ARHGAP12: variants seen among roughly 807,000 people sequenced by gnomAD.
The protein encoded by ARHGAP12 is Rho GTPase activating protein 12.
ARHGAP12 carries 64 observed loss-of-function variants against 108.6 expected under a neutral mutation model. The ratio of observed to expected loss-of-function variants is 0.59; its 90% CI spans 0.48 to 0.73. The LOEUF is 0.73. Among genes scored for constraint, ARHGAP12 ranks in the 30% least tolerant of loss-of-function variants. The probability of loss-of-function intolerance (pLI) is 0.00; values close to 1 mark genes in which losing one functional copy is unlikely to be tolerated. For missense variants in ARHGAP12, 940 were observed against 1,005.9 expected (o/e 0.93, Z 0.89); for synonymous variants, 312 against 337.2 (o/e 0.93, Z 0.82).
intron 1 of ARHGAP12, among the ~76,000 whole-genome samples, chr10:31,923,273 G>C (rs1177127576): frequency 1.3e-5 from 2 of 151,740 alleles, no homozygotes; most frequent in African/African-American, 4.8e-5. Context: ...AGAAAGAAAT[G>C]TCACCACACA....
chr10:31,899,016 A>G (rs1838819371), intron 3 of ARHGAP12, among the ~76,000 whole-genome samples: 1 of 152,268 alleles, frequency 6.6e-6, no homozygotes, highest in Admixed American at 6.5e-5. Context: ...TACATGCTAC[A>G]CACAACATGG....
At chr10:31,924,255 C>T (rs1839938208) in intron 1 of ARHGAP12, among the ~76,000 whole-genome samples, 1 of 152,166 alleles carries the variant, frequency 6.6e-6, no homozygotes, top group Admixed American at 6.5e-5. Flanking sequence ...CTTACATGAA[C>T]ATTCATAATG....
chr10:31,921,134 A>G (rs978427861), intron 1 of ARHGAP12, among the ~76,000 whole-genome samples: 2 of 152,176 alleles, frequency 1.3e-5, no homozygotes, highest in East Asian at 1.9e-4. Context: ...AAAACTAAAA[A>G]AACTAGCCGG....
At position 31,807,834 on chromosome 10, in the gene ARHGAP12, T is replaced by C. The variant is rs780051381; in HGVS notation, c.2367-2A>G. The stretch of plus-strand genomic sequence containing the variant: ...TTTTTCTCTCCATTTTCTATAACTC[T>C]GAAGGGAAAAAAAGAAGTTGTTAAA... On this transcript the variant is annotated splice_acceptor_variant, in intron 19 of 19. Coordinates refer to ENST00000344936, the MANE Select transcript of ARHGAP12 (RefSeq NM_018287.7). LOFTEE classifies it high-confidence loss of function. The C allele has an allele frequency of 6.7e-7, 1 of 1,502,810 alleles. No individual in the cohort carries two copies. Among genetic ancestry groups the C allele is most frequent in the Non-Finnish European group, 8.9e-7 (1 of 1,124,272 alleles). The allele number at this position is 1,502,810 out of a possible 1,614,324, so 93.1% of individuals were successfully genotyped here.
intron 1 of ARHGAP12, among the ~76,000 whole-genome samples, chr10:31,927,642 C>T (rs1840105944): frequency 1.3e-5 from 2 of 152,206 alleles, no homozygotes; most frequent in African/African-American, 4.8e-5. Context: ...ACAAACACTC[C>T]ACTTGGGATG....
intron 3 of ARHGAP12, among the ~76,000 whole-genome samples, chr10:31,890,207 C>A (rs148405434): frequency 5.9e-4 from 90 of 152,250 alleles, no homozygotes; most frequent in Non-Finnish European, 1.1e-3. Context: ...GATCCAAAAT[C>A]TGAAAATCTA....
chr10:31,839,027 C>T (rs753118668), intron 9 of ARHGAP12, among the ~76,000 whole-genome samples: 27 of 151,472 alleles, frequency 1.8e-4, no homozygotes, highest in Non-Finnish European at 3.4e-4. Flanking sequence ...ATTTAAAAAA[C>T]GGTAACGAAA....
At chr10:31,885,560 T>G (rs1195219296) in intron 3 of ARHGAP12, among the ~76,000 whole-genome samples, 1 of 152,186 alleles carries the variant, frequency 6.6e-6, no homozygotes, top group Non-Finnish European at 1.5e-5. Flanking sequence ...GGCTCACACC[T>G]GTAATTCCAG....
At chr10:31,911,489 A>AT (rs35757733) in intron 1 of ARHGAP12, among the ~76,000 whole-genome samples, 63,037 of 151,564 alleles carry the variant, frequency 0.42, 14,056 homozygotes, top group Non-Finnish European at 0.5. Flanking sequence ...TAATTTTTGT[A>AT]TTTTTTTAGA....
chr10:31,846,232 T>C (rs1836457197), intron 6 of ARHGAP12, among the ~76,000 whole-genome samples: 1 of 152,182 alleles, frequency 6.6e-6, no homozygotes, highest in African/African-American at 2.4e-5. Context: ...ACTTCAGGAA[T>C]GTTATAATTT....
chr10:31,825,388 G>A (rs7899891), intron 11 of ARHGAP12, among the ~76,000 whole-genome samples: 36,035 of 151,930 alleles, frequency 0.24, 4,544 homozygotes, highest in Non-Finnish European at 0.29. Context: ...TAGAATATGA[G>A]GTAGACCAAA....
rs1045599915 is a variant in ARHGAP12, at chr10:31,908,764, T to C, written c.92A>G (p.Lys31Arg). 3 of 1,613,558 alleles carry C rather than the reference T, an allele frequency of 1.9e-6. No homozygotes were observed. Among genetic ancestry groups the C allele is most frequent in the Non-Finnish European group, 2.5e-6 (3 of 1,180,032 alleles). Residue 31 changes from lysine to arginine, a missense_variant, in exon 3 of 20, where the codon AAG (lysine) becomes AGG (arginine). Coordinates refer to ENST00000344936, the MANE Select transcript of ARHGAP12 (RefSeq NM_018287.7). ...YDYEYEAKDR[K>R]IVIKQGERYI... ...CCTCTCCCCTTGTTTTATCACAATC[T>C]TTCTGTCCTTTGCTTCATATTCATA...
chr10:31,870,585 T>A (rs1350769719), intron 3 of ARHGAP12, among the ~76,000 whole-genome samples: 1 of 152,170 alleles, frequency 6.6e-6, no homozygotes, highest in African/African-American at 2.4e-5. Flanking sequence ...ATTGGGCCAG[T>A]TAACAGAGTA....
intron 3 of ARHGAP12, among the ~76,000 whole-genome samples, chr10:31,880,639 A>C (rs1361035517): frequency 6.6e-6 from 1 of 152,210 alleles, no homozygotes; most frequent in Non-Finnish European, 1.5e-5. Flanking sequence ...AATGTACATA[A>C]GTTATCTGTA....
At chr10:31,868,870 A>T (rs1410314120) in intron 3 of ARHGAP12, among the ~76,000 whole-genome samples, 1 of 152,134 alleles carries the variant, frequency 6.6e-6, no homozygotes, top group African/African-American at 2.4e-5. Context: ...TCAAGGCTGC[A>T]GTGAGCCACT....
intron 18 of ARHGAP12, 28 bp downstream of exon 18, chr10:31,808,966 A>G: frequency 6.5e-7 from 1 of 1,540,930 alleles, no homozygotes; most frequent in Non-Finnish European, 8.8e-7. Flanking sequence ...CAATATCTAG[A>G]AAAAACTGAG....
chr10:31,823,261 G>T (rs976169123), intron 11 of ARHGAP12, among the ~76,000 whole-genome samples: 4 of 151,944 alleles, frequency 2.6e-5, no homozygotes, highest in African/African-American at 9.7e-5. Flanking sequence ...TTTCTGAAGT[G>T]AGAAAAAAAC....
chr10:31,896,355 A>C (rs541427335), intron 3 of ARHGAP12, among the ~76,000 whole-genome samples: 1 of 150,232 alleles, frequency 6.7e-6, no homozygotes, highest in Admixed American at 6.6e-5. Flanking sequence ...ACATTTCTAG[A>C]TTTATGGTCA....
At chr10:31,826,471 T>C (rs1835614226) in intron 10 of ARHGAP12, 86 bp from the exon 11 acceptor site, 4 of 980,832 alleles carry the variant, frequency 4.1e-6, no homozygotes, top group African/African-American at 3.3e-5. Flanking sequence ...TTAGCTCTTA[T>C]CAATGTTATC....
Sources: allele counts gnomAD v4.1 joint callset (sites outside exome capture counted in the v4.1 genomes callset), GRCh38; gene constraint gnomAD v4.1.1; transcripts MANE v1.5; gene names NCBI Gene and HGNC (gene_info 2026-07-23, HGNC 2026-07-21).